The following MEIS2 variants were observed in gnomAD, a reference collection of about 807,000 sequenced individuals.
MEIS2 encodes Meis homeobox 2, also known as homeobox protein Meis2.
MEIS2 carries 9 observed loss-of-function variants against 58.6 expected under a neutral mutation model. The observed-to-expected ratio is 0.15, with a 90% confidence interval of 0.09 to 0.27. The LOEUF (loss-of-function observed/expected upper bound fraction) is 0.27. MEIS2 is among the 10% of genes least tolerant of loss of function. The pLI is 1.00. For synonymous variants in MEIS2, 221 were observed against 228.4 expected, an observed-to-expected ratio of 0.97 and a Z score of 0.29; for missense variants, 427 against 635.0, an observed-to-expected ratio of 0.67 and a Z score of 3.52.
chr15:36,907,248 G>C (rs1290397732), intron 9 of MEIS2, among the ~76,000 whole-genome samples: 1 of 152,170 alleles, frequency 6.6e-6, no homozygotes, highest in Non-Finnish European at 1.5e-5. Context: ...TAAGTGTGAT[G>C]GCTTCCAAAT....
chr15:36,896,611 T>C lies in MEIS2; in HGVS notation c.1036+17A>G, dbSNP rs2056190429. 6.2e-7 allele frequency: 1 copy of C among 1,601,022 alleles called. No homozygotes were observed. ...TGTGCCTGTGGGACATAAATATAGATACTACTTGGAACTTGCCTGCTCGAT... is the reference window on the plus strand; with the variant it reads ...TGTGCCTGTGGGACATAAATATAGACACTACTTGGAACTTGCCTGCTCGAT... On this transcript the variant is annotated intron_variant, in intron 10 of 11. Transcript: ENST00000561208.
At chr15:37,067,069 G>A (rs1890038618) in intron 7 of MEIS2, among the ~76,000 whole-genome samples, 1 of 148,558 alleles carries the variant, frequency 6.7e-6, no homozygotes, top group African/African-American at 2.5e-5. Flanking sequence ...GAGTCACCAT[G>A]CCCAGCCAGC....
intron 9 of MEIS2, among the ~76,000 whole-genome samples, chr15:36,922,622 T>TC (rs1159088657): frequency 9.5e-5 from 10 of 105,620 alleles, no homozygotes; most frequent in Non-Finnish European, 1.3e-4. Flanking sequence ...TTTCTTTCTT[T>TC]TTTTTTTTTT....
At chr15:36,941,610 G>T (rs972648809) in intron 9 of MEIS2, among the ~76,000 whole-genome samples, 1 of 152,074 alleles carries the variant, frequency 6.6e-6, no homozygotes, top group Admixed American at 6.6e-5. Flanking sequence ...CCAAAATCTA[G>T]GTTCAAAATA....
intron 8 of MEIS2, among the ~76,000 whole-genome samples, chr15:37,028,820 C>CAAT (rs904498632): frequency 3.9e-5 from 6 of 152,166 alleles, no homozygotes; most frequent in African/African-American, 1.4e-4. Context: ...CCTCCCATCC[C>CAAT]AATAAGGACA....
At chr15:37,027,325 T>C (rs2061740749) in intron 8 of MEIS2, among the ~76,000 whole-genome samples, 3 of 152,208 alleles carry the variant, frequency 2.0e-5, no homozygotes, top group Non-Finnish European at 4.4e-5. Context: ...GGTCACTTTA[T>C]GACCCTATCC....
At chr15:36,894,698 C>A (rs1443825396) in intron 11 of MEIS2, 1 of 1,562,754 alleles carries the variant, frequency 6.4e-7, no homozygotes, top group South Asian at 1.1e-5. Context: ...GAAGACAGAT[C>A]GCACCCGACT....
At chr15:37,059,763 T>C (rs1163142023) in intron 7 of MEIS2, among the ~76,000 whole-genome samples, 4 of 151,876 alleles carry the variant, frequency 2.6e-5, no homozygotes, top group African/African-American at 9.7e-5. Context: ...ACAATGAAAC[T>C]CCATCTCTAC....
intron 8 of MEIS2, among the ~76,000 whole-genome samples, chr15:37,005,077 TA>T (rs1407961808): frequency 6.6e-6 from 1 of 152,184 alleles, no homozygotes; most frequent in Non-Finnish European, 1.5e-5. Flanking sequence ...TTCCAATTCA[TA>T]AAAACCATGT....
intron 8 of MEIS2, among the ~76,000 whole-genome samples, chr15:36,990,351 GAAAA>G (rs921801880): frequency 7.1e-6 from 1 of 140,452 alleles, no homozygotes; most frequent in East Asian, 2.0e-4. Context: ...TGAATCTGCA[GAAAA>G]AAAAAAAACT....
intron 8 of MEIS2, among the ~76,000 whole-genome samples, chr15:37,000,913 C>T (rs1374836043): frequency 6.6e-6 from 1 of 152,164 alleles, no homozygotes; most frequent in South Asian, 2.1e-4. Context: ...CCGGACCCCC[C>T]ACTCTGTCCT....
chr15:37,092,116 C>T (rs2141945962), intron 6 of MEIS2, among the ~76,000 whole-genome samples: 1 of 152,284 alleles, frequency 6.6e-6, no homozygotes, highest in South Asian at 2.1e-4. Flanking sequence ...CAAAGATTCC[C>T]TCACCATGAT....
intron 7 of MEIS2, among the ~76,000 whole-genome samples, chr15:37,044,969 C>T (rs1041808579): frequency 2.6e-5 from 4 of 152,276 alleles, no homozygotes; most frequent in African/African-American, 7.2e-5. Context: ...TTGAAGAAAG[C>T]GCCCAGGAAA....
At chr15:36,904,494 C>A (rs903032269) in intron 9 of MEIS2, among the ~76,000 whole-genome samples, 6 of 152,152 alleles carry the variant, frequency 3.9e-5, no homozygotes, top group African/African-American at 1.4e-4. Context: ...AGAAAGAATG[C>A]TCCATTTTTT....
intron 8 of MEIS2, among the ~76,000 whole-genome samples, chr15:37,028,775 T>A (rs2061798675): frequency 6.6e-6 from 1 of 152,164 alleles, no homozygotes. Context: ...CTGTTGCAGG[T>A]TGCCACTGCT....
At chr15:36,965,365 G>GTCTA (rs1446651341) in intron 8 of MEIS2, among the ~76,000 whole-genome samples, 1 of 152,096 alleles carries the variant, frequency 6.6e-6, no homozygotes, top group Non-Finnish European at 1.5e-5. Flanking sequence ...ATTATATGAG[G>GTCTA]TCTACAGTTG....
chr15:36,943,941 A>G (rs1301563908), intron 9 of MEIS2, among the ~76,000 whole-genome samples: 1 of 151,878 alleles, frequency 6.6e-6, no homozygotes, highest in Non-Finnish European at 1.5e-5. Context: ...ATTTGGTCTG[A>G]ATCTAAATTT....
chr15:37,039,662 G>A (rs544520927), intron 7 of MEIS2, among the ~76,000 whole-genome samples: 1 of 152,220 alleles, frequency 6.6e-6, no homozygotes, highest in African/African-American at 2.4e-5. Flanking sequence ...TTTGATGACT[G>A]ACTTAAACTG....
chr15:36,970,140 A>G (rs906770295), intron 8 of MEIS2, among the ~76,000 whole-genome samples: 2 of 152,166 alleles, frequency 1.3e-5, no homozygotes, highest in African/African-American at 4.8e-5. Flanking sequence ...GCGGTGGCTC[A>G]CGCTTGTAAT....
Sources: gnomAD v4.1 joint callset for allele counts (sites outside exome capture counted in the v4.1 genomes callset) on GRCh38, gnomAD v4.1.1 for gene constraint, MANE v1.5 for transcripts, NCBI Gene and HGNC (gene_info 2026-07-23, HGNC 2026-07-21) for gene names.